Variants in SENP6 observed in about 807,000 individuals in gnomAD.
SENP6 encodes sentrin-specific protease 6.
Under a neutral mutation model 134.5 loss-of-function variants are expected in SENP6, and 41 were observed. That is an observed-to-expected ratio of 0.30 (90% confidence interval 0.24 to 0.40). SENP6 has a LOEUF of 0.40. Among genes scored for constraint, SENP6 ranks in the 10% least tolerant of loss-of-function variants. The pLI is 1.00. For synonymous variants in SENP6, 395 were observed against 429.8 expected (o/e 0.92, Z 1.00); for missense variants, 1,248 against 1,312.5 (o/e 0.95, Z 0.76).
At chr6:75,700,781 C>G (rs184550755) in intron 18 of SENP6, among the ~76,000 whole-genome samples, 7 of 152,156 alleles carry the variant, frequency 4.6e-5, no homozygotes, top group African/African-American at 1.7e-4. Context: ...TGTGAGCCAC[C>G]GTGCCCGGCA....
At chr6:75,683,480 G>C (rs1466328124) in intron 16 of SENP6, among the ~76,000 whole-genome samples, 1 of 152,190 alleles carries the variant, frequency 6.6e-6, no homozygotes, top group Non-Finnish European at 1.5e-5. Context: ...CCATGCCTAT[G>C]ACCTGAATGG....
chr6:75,618,046 G>A (rs1767991819), intron 1 of SENP6, among the ~76,000 whole-genome samples: 2 of 152,156 alleles, frequency 1.3e-5, no homozygotes, highest in Non-Finnish European at 2.9e-5. Flanking sequence ...CACTATGAAT[G>A]TTAACTATGA....
chr6:75,662,509 CTA>C (rs1771864157), intron 8 of SENP6, among the ~76,000 whole-genome samples: 1 of 152,144 alleles, frequency 6.6e-6, no homozygotes. Flanking sequence ...ACAGTATTCT[CTA>C]CTAAAACAGA....
At chr6:75,640,197 T>C (rs111970063) in intron 5 of SENP6, among the ~76,000 whole-genome samples, 36 of 152,344 alleles carry the variant, frequency 2.4e-4, no homozygotes, top group African/African-American at 8.4e-4. Flanking sequence ...CCAGGTGTAG[T>C]ATACAGAGCA....
chr6:75,711,498 A>G lies in SENP6; in HGVS notation c.2909+82A>G, dbSNP rs62415598. On this transcript the variant is annotated intron_variant, in intron 21 of 23. Transcript: ENST00000447266. ...CATAACAGGACAGTTTTTTTTTTAA[A>G]TAAATACTTAAGCAAAACTCATAAA... 9.5e-6 allele frequency: 8 copies of G among 843,250 alleles called. No homozygotes were observed. In the Admixed American group the frequency reaches 1.2e-4, roughly 12 times the overall value. The allele number at this position is 843,250 out of a possible 1,614,324, so 52.2% of individuals were successfully genotyped here.
chr6:75,657,907 G>A (rs1230093719), intron 7 of SENP6, among the ~76,000 whole-genome samples: 1 of 152,080 alleles, frequency 6.6e-6, no homozygotes, highest in East Asian at 1.9e-4. Context: ...CCTTTTTGAG[G>A]TAAAGTTTAA....
chr6:75,658,974 CAAAAAAAAA>C (rs35016433), intron 7 of SENP6, among the ~76,000 whole-genome samples: 3 of 71,942 alleles, frequency 4.2e-5, no homozygotes, highest in Non-Finnish European at 6.9e-5. Context: ...CTTGTCTCCC[CAAAAAAAAA>C]AAAAAAAAAA....
At chr6:75,685,199 C>T (rs893125927) in intron 16 of SENP6, among the ~76,000 whole-genome samples, 1 of 152,050 alleles carries the variant, frequency 6.6e-6, no homozygotes, top group Non-Finnish European at 1.5e-5. Context: ...GGTGTTTATT[C>T]TCTGATGGTA....
intron 3 of SENP6, among the ~76,000 whole-genome samples, chr6:75,625,707 A>G (rs773316020): frequency 2.0e-5 from 3 of 152,142 alleles, no homozygotes; most frequent in Non-Finnish European, 4.4e-5. Context: ...CGTCTCTACT[A>G]AAAATAGAAA....
intron 1 of SENP6, among the ~76,000 whole-genome samples, chr6:75,613,626 G>A (rs138209872): frequency 6.6e-6 from 1 of 151,444 alleles, no homozygotes; most frequent in East Asian, 1.9e-4. Flanking sequence ...ATACTGTGGA[G>A]CACTAAATGA....
At chr6:75,684,350 C>T (rs1436698882) in intron 16 of SENP6, among the ~76,000 whole-genome samples, 2 of 152,168 alleles carry the variant, frequency 1.3e-5, no homozygotes, top group African/African-American at 4.8e-5. Context: ...CAAACAGGGA[C>T]AGTTTGACTT....
chr6:75,657,884 A>G (rs1490715105), intron 7 of SENP6, among the ~76,000 whole-genome samples: 1 of 152,204 alleles, frequency 6.6e-6, no homozygotes, highest in African/African-American at 2.4e-5. Context: ...GAGAGAACAC[A>G]TGAAGAAATG....
chr6:75,677,647 A>G (rs1318721566), intron 14 of SENP6: 7 of 158,384 alleles, frequency 4.4e-5, no homozygotes, highest in Non-Finnish European at 7.0e-5. Context: ...TTTGTATGTA[A>G]TATAGGCATA....
At chr6:75,653,188 G>A (rs373289254) in intron 7 of SENP6, among the ~76,000 whole-genome samples, 1 of 152,062 alleles carries the variant, frequency 6.6e-6, no homozygotes, top group African/African-American at 2.4e-5. Context: ...GGGCCAGTCT[G>A]CCTGGCTAAT....
At chr6:75,695,567 A>G (rs915484547) in intron 16 of SENP6, among the ~76,000 whole-genome samples, 3 of 152,102 alleles carry the variant, frequency 2.0e-5, no homozygotes, top group Non-Finnish European at 2.9e-5. Flanking sequence ...GGGAAACCCT[A>G]TCTCTACTAA....
At chr6:75,621,154 C>G (rs1255498909) in intron 1 of SENP6, among the ~76,000 whole-genome samples, 1 of 152,096 alleles carries the variant, frequency 6.6e-6, no homozygotes, top group African/African-American at 2.4e-5. Context: ...GTCTAGCAGT[C>G]TGGATATAGT....
chr6:75,674,037 G>A (rs754460088), intron 11 of SENP6, among the ~76,000 whole-genome samples: 22 of 151,374 alleles, frequency 1.5e-4, no homozygotes, highest in Non-Finnish European at 2.2e-4. Flanking sequence ...ATAAATGAAT[G>A]AGTGAATGCT....
chr6:75,619,105 A>G (rs1436020198), intron 1 of SENP6, among the ~76,000 whole-genome samples: 1 of 151,262 alleles, frequency 6.6e-6, no homozygotes, highest in Non-Finnish European at 1.5e-5. Context: ...TTTTAAGTGT[A>G]TATTTATGCA....
At chr6:75,620,719 A>C (rs1393843872) in intron 1 of SENP6, 1 of 152,280 alleles carries the variant, frequency 6.6e-6, no homozygotes, top group African/African-American at 2.4e-5. Context: ...AAGACATCAG[A>C]ATTATCCCCA....
Sources: allele counts gnomAD v4.1 joint callset (sites outside exome capture counted in the v4.1 genomes callset), GRCh38; gene constraint gnomAD v4.1.1; transcripts MANE v1.5; gene names NCBI Gene and HGNC (gene_info 2026-07-23, HGNC 2026-07-21).